The following MRPS6 variants were observed in gnomAD, a reference collection of about 807,000 sequenced individuals.
MRPS6 encodes small ribosomal subunit protein bS6m.
Under a neutral mutation model 13.1 loss-of-function variants are expected in MRPS6, and 6 were observed. That is an observed-to-expected ratio of 0.46 (90% confidence interval 0.25 to 0.91). MRPS6 has a LOEUF of 0.91. Among genes scored for constraint, MRPS6 ranks in the 40% least tolerant of loss-of-function variants. MRPS6 has a pLI of 0.18. For synonymous variants in MRPS6, 61 were observed against 56.5 expected (o/e 1.08, Z -0.36); for missense variants, 164 against 155.6 (o/e 1.05, Z -0.29).
At chr21:34,119,581 G>A (rs938733445) in intron 1 of MRPS6, among the ~76,000 whole-genome samples, 1 of 152,174 alleles carries the variant, frequency 6.6e-6, no homozygotes, top group African/African-American at 2.4e-5. Flanking sequence ...TGTAACGTGA[G>A]GCGGGCAGGG....
chr21:34,138,779 C>T (rs567820749), intron 2 of MRPS6, among the ~76,000 whole-genome samples: 2 of 152,088 alleles, frequency 1.3e-5, no homozygotes, highest in African/African-American at 4.8e-5. Flanking sequence ...GTCAGTGTGG[C>T]GATTCCTCAG....
Position 34,096,482 on chromosome 21 carries a change from C to A in MRPS6, c.45+22737C>A, listed in dbSNP as rs1291815017. The A allele has an allele frequency of 1.3e-5, 21 of 1,614,014 alleles. No homozygotes were observed. The highest frequency in any genetic ancestry group is 1.8e-5 in the Non-Finnish European group (21 of 1,180,020). Reference sequence around the variant, plus strand: ...TGATCAGCATAGCATGGGTGCCAATCATCGTGGAGATGCAAGGAGGCCAGA... The same window carrying A: ...TGATCAGCATAGCATGGGTGCCAATAATCGTGGAGATGCAAGGAGGCCAGA... On this transcript the variant is annotated intron_variant, in intron 1 of 2. Transcript: ENST00000399312. The surrounding 1 kb of genome is among the most constrained non-coding windows in gnomAD (Gnocchi z 5.9).
In MRPS6 at chr21:34,142,837, T is replaced by C. The variant is rs1980952255; in HGVS notation, c.*237T>C. On this transcript the variant is annotated 3_prime_UTR_variant, in exon 3 of 3. Transcript: ENST00000399312. ...GGATCGTTCTTGATTTTGTTTTCAT[T>C]AGTGTCATTTCTTTGTCATTGAGGA... 1 of 361,058 alleles carries C rather than the reference T, an allele frequency of 2.8e-6. No homozygotes were observed. Among genetic ancestry groups the C allele is most frequent in the East Asian group, 4.6e-5 (1 of 21,538 alleles). The allele number at this position is 361,058 out of a possible 1,614,324, so 22.4% of individuals were successfully genotyped here.
At chr21:34,134,976 T>C (rs1017379882) in intron 2 of MRPS6, among the ~76,000 whole-genome samples, 1 of 152,246 alleles carries the variant, frequency 6.6e-6, no homozygotes, top group Non-Finnish European at 1.5e-5. Context: ...TACGGGTTTA[T>C]CGAAATGCGT....
At chr21:34,097,402 C>G in intron 1 of MRPS6, 1 of 1,368,264 alleles carries the variant, frequency 7.3e-7, no homozygotes, top group Non-Finnish European at 9.4e-7. Context: ...ACTGACTGGT[C>G]TTTGGGGAAA....
intron 1 of MRPS6, chr21:34,100,919 G>A: frequency 1.0e-6 from 1 of 1,000,098 alleles, no homozygotes; most frequent in Non-Finnish European, 1.2e-6. Context: ...CCCTGTTCCT[G>A]CTTGGCAGTG....
At chr21:34,095,509 CAG>C in intron 1 of MRPS6, 2 of 1,614,028 alleles carry the variant, frequency 1.2e-6, no homozygotes, top group Non-Finnish European at 1.7e-6. Context: ...TACATCCGGT[CAG>C]GGGTATATAC....
At chr21:34,085,418 A>C (rs1026836864) in intron 1 of MRPS6, among the ~76,000 whole-genome samples, 4 of 152,148 alleles carry the variant, frequency 2.6e-5, no homozygotes, top group Admixed American at 2.6e-4. Flanking sequence ...AATGTACCCT[A>C]TTTCCCTTTT....
intron 1 of MRPS6, among the ~76,000 whole-genome samples, chr21:34,075,133 G>C (rs764564774): frequency 6.6e-6 from 1 of 152,244 alleles, no homozygotes; most frequent in Non-Finnish European, 1.5e-5. Context: ...TTTTTAATTA[G>C]GTGGAAGTTG....
At chr21:34,101,458 A>G in intron 1 of MRPS6, 1 of 1,000,128 alleles carries the variant, frequency 1.0e-6, no homozygotes. Context: ...TAGGTTGTTG[A>G]AGGCATTTCA....
intron 1 of MRPS6, among the ~76,000 whole-genome samples, chr21:34,120,104 C>T (rs1232859631): frequency 2.0e-5 from 3 of 152,182 alleles, no homozygotes; most frequent in Non-Finnish European, 4.4e-5. Flanking sequence ...ATTAACTTTT[C>T]CTAGCAGTAC....
chr21:34,077,338 T>G (rs966506623), intron 1 of MRPS6, among the ~76,000 whole-genome samples: 1 of 152,168 alleles, frequency 6.6e-6, no homozygotes, highest in South Asian at 2.1e-4. Flanking sequence ...AGGAAAGAAA[T>G]CTGTGCAATA....
Position 34,114,685 on chromosome 21 carries a change from C to T in MRPS6, c.46-10656C>T, listed in dbSNP as rs552433347. On this transcript the variant is annotated intron_variant, in intron 1 of 2. Coordinates refer to ENST00000399312, the MANE Select transcript of MRPS6 (RefSeq NM_032476.4). ...GAATGATTGATTATATGCAAGTGAG[C>T]CCCCAAATTTGTCCTTAAATGAATG... is the stretch of plus-strand genomic sequence containing the variant. Among the ~76,000 whole-genome samples the T allele has an allele frequency of 8.5e-5, 13 of 152,180 alleles. No homozygotes were observed. The South Asian group carries it at 2.7e-3, about 32-fold the overall frequency.
intron 1 of MRPS6, among the ~76,000 whole-genome samples, chr21:34,084,108 T>C (rs1227386007): frequency 6.7e-6 from 1 of 149,960 alleles, no homozygotes; most frequent in Admixed American, 6.6e-5. Context: ...AAGTTACTCT[T>C]TTTGTGGTCT....
intron 2 of MRPS6, among the ~76,000 whole-genome samples, chr21:34,128,089 G>A (rs1442116294): frequency 6.6e-6 from 1 of 152,160 alleles, no homozygotes; most frequent in Non-Finnish European, 1.5e-5. Context: ...TTGCTTTTAC[G>A]TTTTGTGGGG....
At chr21:34,116,721 G>GT (rs558336235) in intron 1 of MRPS6, among the ~76,000 whole-genome samples, 110 of 152,220 alleles carry the variant, frequency 7.2e-4, no homozygotes, top group African/African-American at 2.5e-3. Flanking sequence ...GAGCTGCTTG[G>GT]TTTTATTCAG....
At chr21:34,098,819 T>C in intron 1 of MRPS6, 1 of 999,970 alleles carries the variant, frequency 1.0e-6, no homozygotes, top group Non-Finnish European at 1.2e-6. Context: ...TGTGTCTTCG[T>C]ATGCTCAACA....
At chr21:34,105,880 A>AT in intron 1 of MRPS6, 1 of 990,600 alleles carries the variant, frequency 1.0e-6, no homozygotes. Flanking sequence ...TAGATTTAAG[A>AT]TTGTTAAAAT....
At position 34,142,980 on chromosome 21, in the gene MRPS6, A is replaced by G. The variant is rs367787799; in HGVS notation, c.*380A>G. 8.1e-5 allele frequency: 13 copies of G among 161,182 alleles called. No individual in the cohort carries two copies. Among genetic ancestry groups the G allele is most frequent in the East Asian group, 1.8e-4 (1 of 5,486 alleles). 10.0% of individuals were successfully genotyped at this position (161,182 alleles called of 1,614,324 possible). On this transcript the variant is annotated 3_prime_UTR_variant, in exon 3 of 3. Coordinates refer to ENST00000399312, the MANE Select transcript of MRPS6 (RefSeq NM_032476.4). The stretch of plus-strand genomic sequence containing the variant: ...ATGTGGAAATAAAAATTGACGACCA[A>G]TGTATTATATGGACAACTTTTGCTT...
Sources: gnomAD v4.1 joint callset for allele counts (sites outside exome capture counted in the v4.1 genomes callset) on GRCh38, gnomAD v4.1.1 for gene constraint, Gnocchi (gnomAD v3.1) non-coding constraint, MANE v1.5 for transcripts, NCBI Gene and HGNC (gene_info 2026-07-23, HGNC 2026-07-21) for gene names.